GPC5: variants seen among roughly 807,000 people sequenced by gnomAD.
GPC5 encodes the protein glypican-5.
A neutral mutation model predicts 53.9 loss-of-function variants in GPC5; 47 were observed. The observed-to-expected ratio is 0.87, with a 90% confidence interval of 0.69 to 1.11. The LOEUF (loss-of-function observed/expected upper bound fraction) is 1.11. Among genes scored for constraint, GPC5 ranks in the 50% most tolerant of loss-of-function variants. GPC5 has a pLI of 0.00. For missense variants in GPC5, 748 were observed against 713.1 expected, an observed-to-expected ratio of 1.05 and a Z score of -0.56; for synonymous variants, 286 against 263.3, an observed-to-expected ratio of 1.09 and a Z score of -0.84.
At chr13:91,875,555 A>G (rs1306515308) in intron 5 of GPC5, among the ~76,000 whole-genome samples, 1 of 152,174 alleles carries the variant, frequency 6.6e-6, no homozygotes, top group Non-Finnish European at 1.5e-5. Flanking sequence ...ATGTTATTGA[A>G]CATTTTTTTC....
chr13:91,976,897 C>T (rs540799706), intron 6 of GPC5, among the ~76,000 whole-genome samples: 12 of 152,006 alleles, frequency 7.9e-5, no homozygotes, highest in Non-Finnish European at 1.2e-4. Context: ...AAAATTAGCT[C>T]GCATGGTGGC....
chr13:92,435,980 TA>T (rs1487488299), intron 7 of GPC5, among the ~76,000 whole-genome samples: 3 of 152,228 alleles, frequency 2.0e-5, no homozygotes, highest in Admixed American at 2.0e-4. Flanking sequence ...TTAAGATTTA[TA>T]TTTTTAATCA....
intron 7 of GPC5, among the ~76,000 whole-genome samples, chr13:92,366,589 A>G (rs1021128267): frequency 6.1e-5 from 9 of 148,194 alleles, no homozygotes; most frequent in African/African-American, 2.1e-4. Context: ...AGATTTCTTT[A>G]TTTTTAAACA....
chr13:91,855,037 T>C (rs922518531), intron 5 of GPC5, among the ~76,000 whole-genome samples: 2 of 151,824 alleles, frequency 1.3e-5, no homozygotes, highest in African/African-American at 2.4e-5. Context: ...TACCAATTGA[T>C]GGTAATTAAA....
chr13:91,987,739 A>G (rs904439443), intron 6 of GPC5, among the ~76,000 whole-genome samples: 2 of 146,238 alleles, frequency 1.4e-5, no homozygotes, highest in African/African-American at 5.0e-5. Context: ...TATAAATACT[A>G]TATATAGTAT....
intron 2 of GPC5, among the ~76,000 whole-genome samples, chr13:91,685,025 G>T (rs761094492): frequency 4.2e-4 from 64 of 152,096 alleles, no homozygotes; most frequent in African/African-American, 1.5e-3. Flanking sequence ...CATCACTGAG[G>T]CTTCCACTTG....
At chr13:91,698,725 C>A (rs193260298) in intron 3 of GPC5, among the ~76,000 whole-genome samples, 2 of 151,764 alleles carry the variant, frequency 1.3e-5, no homozygotes, top group East Asian at 1.9e-4. Flanking sequence ...ATATTAAATG[C>A]AATACATTCT....
chr13:91,866,563 C>G (rs1258784149), intron 5 of GPC5, among the ~76,000 whole-genome samples: 1 of 152,162 alleles, frequency 6.6e-6, no homozygotes, highest in African/African-American at 2.4e-5. Flanking sequence ...TCGGCTCCCC[C>G]TTTGCCTTAA....
intron 2 of GPC5, among the ~76,000 whole-genome samples, chr13:91,635,610 C>G (rs7334052): frequency 0.025 from 3,731 of 152,142 alleles, 143 homozygotes; most frequent in African/African-American, 0.084. Flanking sequence ...TTATGTTACA[C>G]TGATATCTTT....
At chr13:92,141,380 G>A (rs758787674) in intron 6 of GPC5, among the ~76,000 whole-genome samples, 1 of 152,096 alleles carries the variant, frequency 6.6e-6, no homozygotes, top group African/African-American at 2.4e-5. Context: ...TATATTTCTT[G>A]CTCAGAGACT....
At chr13:91,849,929 G>A (rs925118192) in intron 5 of GPC5, among the ~76,000 whole-genome samples, 6 of 152,112 alleles carry the variant, frequency 3.9e-5, no homozygotes, top group Non-Finnish European at 5.9e-5. Flanking sequence ...AAAAGTGAGG[G>A]ACAAAATTGT....
chr13:92,470,557 A>G (rs1240216105), intron 7 of GPC5, among the ~76,000 whole-genome samples: 1 of 152,122 alleles, frequency 6.6e-6, no homozygotes, highest in African/African-American at 2.4e-5. Context: ...CAGAAAGGCA[A>G]ACTATAATAA....
rs567221641 is a variant in GPC5 at position 92,095,279 on chromosome 13, C to T, written c.1402-49551C>T. On this transcript the variant is annotated intron_variant, in intron 6 of 7. Coordinates refer to ENST00000377067, the MANE Select transcript of GPC5 (RefSeq NM_004466.6). ...GTTATAGTACCAATTCTCCTTTTTT[C>T]GTTCAGTCCATAATAGAGTTCTCAT... 2.6e-5 allele frequency among the ~76,000 whole-genome samples: 4 copies of T among 151,914 alleles called. No homozygotes were observed. The South Asian group carries it at 6.2e-4, about 24-fold the overall frequency.
At chr13:92,585,181 T>C (rs1047621719) in intron 7 of GPC5, among the ~76,000 whole-genome samples, 3 of 151,920 alleles carry the variant, frequency 2.0e-5, no homozygotes, top group African/African-American at 7.3e-5. Context: ...TGTCAGCTTG[T>C]ACCATGCGCC....
chr13:92,361,801 T>C (rs778967018), intron 7 of GPC5, among the ~76,000 whole-genome samples: 4 of 151,730 alleles, frequency 2.6e-5, no homozygotes, highest in Non-Finnish European at 5.9e-5. Flanking sequence ...CAATTATATG[T>C]AATGACTCAT....
At chr13:92,102,740 A>G (rs1039534165) in intron 6 of GPC5, among the ~76,000 whole-genome samples, 1 of 152,034 alleles carries the variant, frequency 6.6e-6, no homozygotes, top group Non-Finnish European at 1.5e-5. Context: ...ATATATGTAG[A>G]TGTTAGTGTA....
intron 6 of GPC5, among the ~76,000 whole-genome samples, chr13:92,112,890 A>G (rs1212083629): frequency 6.6e-6 from 1 of 152,160 alleles, no homozygotes; most frequent in East Asian, 1.9e-4. Context: ...TTTTTACATG[A>G]AAGCATTTAT....
At chr13:91,524,477 G>A (rs907426058) in intron 2 of GPC5, among the ~76,000 whole-genome samples, 2 of 151,900 alleles carry the variant, frequency 1.3e-5, no homozygotes, top group Non-Finnish European at 2.9e-5. Flanking sequence ...AATTTCCACT[G>A]CCTACTACCA....
chr13:92,130,699 A>C (rs2041736593), intron 6 of GPC5, among the ~76,000 whole-genome samples: 1 of 152,020 alleles, frequency 6.6e-6, no homozygotes, highest in Non-Finnish European at 1.5e-5. Context: ...TGTCTTTTAG[A>C]AAGTTTAAAT....
Sources: allele counts gnomAD v4.1 joint callset (sites outside exome capture counted in the v4.1 genomes callset), GRCh38; gene constraint gnomAD v4.1.1; transcripts MANE v1.5; gene names NCBI Gene and HGNC (gene_info 2026-07-23, HGNC 2026-07-21).